The following NT5C3B variants were observed in gnomAD, a reference collection of about 807,000 sequenced individuals.
The protein encoded by NT5C3B is 7-methylguanosine phosphate-specific 5'-nucleotidase.
NT5C3B carries 28 observed loss-of-function variants against 32.5 expected under a neutral mutation model. The ratio of observed to expected loss-of-function variants is 0.86; its 90% confidence interval spans 0.64 to 1.18. The LOEUF (loss-of-function observed/expected upper bound fraction) is 1.18. Among genes scored for constraint, NT5C3B ranks in the 50% most tolerant of loss-of-function variants. NT5C3B has a pLI of 0.00. For synonymous variants in NT5C3B, 138 were observed against 118.0 expected (o/e 1.17, Z -1.10); for missense variants, 317 against 322.0 (o/e 0.98, Z 0.12).
At chr17:41,835,659 A>C in intron 2 of NT5C3B, 200 bp downstream of exon 2, 1 of 709,742 alleles carries the variant, frequency 1.4e-6, no homozygotes, top group African/African-American at 1.7e-5. Flanking sequence ...AATTAGAGGA[A>C]GCAGCATGAC....
intron 6 of NT5C3B, 44 bp downstream of exon 6, chr17:41,830,757 T>G: frequency 7.2e-7 from 1 of 1,388,108 alleles, no homozygotes; most frequent in East Asian, 2.3e-5. Flanking sequence ...AACAAAACAT[T>G]CTAAATAGTC....
intron 7 of NT5C3B, 47 bp from the exon 8 acceptor site, chr17:41,827,673 T>G (rs782031223): frequency 1.3e-6 from 1 of 795,608 alleles, no homozygotes; most frequent in Admixed American, 1.7e-5. Flanking sequence ...CAGGGACCCA[T>G]GTGGCACCAG....
intron 5 of NT5C3B, 146 bp downstream of exon 5, chr17:41,832,246 T>C (rs1027104964): frequency 5.1e-6 from 3 of 590,150 alleles, no homozygotes; most frequent in Non-Finnish European, 8.9e-6. Context: ...GAAAAGTTGG[T>C]TCCAATAGCT....
intron 8 of NT5C3B, among the ~76,000 whole-genome samples, chr17:41,826,552 C>A (rs2047967418): frequency 1.3e-5 from 2 of 151,980 alleles, no homozygotes; most frequent in African/African-American, 4.8e-5. Flanking sequence ...GAGATGGAGC[C>A]TCGCTCTGTC....
chr17:41,835,829 C>A (rs782053152), intron 2 of NT5C3B, 30 bp downstream of exon 2: 2 of 1,578,572 alleles, frequency 1.3e-6, no homozygotes, highest in South Asian at 1.2e-5. Context: ...CGCCCCCAGC[C>A]CGGCCGGCCC....
Position 41,835,284 on chromosome 17 carries a change from A to G in NT5C3B, c.112-12T>C, listed in dbSNP as rs1555619733. On this transcript the variant is annotated splice_polypyrimidine_tract_variant and intron_variant, in intron 2 of 8. Coordinates refer to ENST00000435506, the MANE Select transcript of NT5C3B (RefSeq NM_052935.5). ...AAATCAGAAATCACCTATAAGGCAA[A>G]AGAGAGATGATGCCTAAATAGGCAC... 1 of 1,611,784 alleles carries G rather than the reference A, an allele frequency of 6.2e-7. No homozygotes were observed. Among genetic ancestry groups the G allele is most frequent in the Non-Finnish European group, 8.5e-7 (1 of 1,178,064 alleles).
At chr17:41,834,341 T>G (rs2048105303) in intron 4 of NT5C3B, among the ~76,000 whole-genome samples, 1 of 150,548 alleles carries the variant, frequency 6.6e-6, no homozygotes, top group Non-Finnish European at 1.5e-5. Context: ...GAGCTGAGAT[T>G]ATGCCACTCC....
chr17:41,830,786 G>A lies in NT5C3B; in HGVS notation c.404+15C>T, dbSNP rs546352525. The A allele has an allele frequency of 6.4e-7, 1 of 1,551,546 alleles. No homozygotes were observed. The highest frequency in any genetic ancestry group is 2.2e-5 in the East Asian group (1 of 44,578). ...AATAGTCTGATAGAAATGTTTTCCA[G>A]AGCAAGACGCTTACCTGAGCATTGC... On this transcript the variant is annotated intron_variant, in intron 6 of 8. Coordinates refer to ENST00000435506, the MANE Select transcript of NT5C3B (RefSeq NM_052935.5).
In NT5C3B at chr17:41,830,865, A is replaced by G; in HGVS notation, c.340T>C (p.Cys114Arg). The stretch of plus-strand genomic sequence containing the variant: ...TGAAACTTCTGAATCTTCTGCTGAC[A>G]TAGGAGATTGTGTGCTTTGGTCCAC... ...EWWTKAHNLL[C>R]QQKIQKFQIA... Residue 114 changes from cysteine (C) to arginine (R), a missense_variant, in exon 6 of 9, where the codon TGT (cysteine) becomes CGT (arginine). Cys to Arg is a radical substitution (Grantham distance 180). Transcript: ENST00000435506. 3 of 1,609,818 alleles carry G rather than the reference A, an allele frequency of 1.9e-6. No homozygotes were observed. Among genetic ancestry groups the G allele is most frequent in the Non-Finnish European group, 2.5e-6 (3 of 1,177,784 alleles).
Position 41,828,788 on chromosome 17 carries a change from A to T in NT5C3B, c.567+2T>A. On this transcript the variant is annotated splice_donor_variant, in intron 7 of 8. Transcript: ENST00000435506. LOFTEE classifies it high-confidence loss of function. Reference sequence around the variant, plus strand: ...TCCCAGCCCAAACAGGATTTGGCTCACATCTTCATTAAAATCCATGTAGTT... The same window carrying T: ...TCCCAGCCCAAACAGGATTTGGCTCTCATCTTCATTAAAATCCATGTAGTT... The T allele has an allele frequency of 6.2e-7, 1 of 1,612,348 alleles. No individual in the cohort carries two copies. Among genetic ancestry groups the T allele is most frequent in the Non-Finnish European group, 8.5e-7 (1 of 1,178,816 alleles).
At chr17:41,826,173 A>C (rs2144083913) in intron 8 of NT5C3B, among the ~76,000 whole-genome samples, 1 of 151,500 alleles carries the variant, frequency 6.6e-6, no homozygotes, top group Non-Finnish European at 1.5e-5. Context: ...AAAAAAAAAA[A>C]AAAAAAACAG....
rs781881706 is a variant in NT5C3B at position 41,828,785 on chromosome 17, C to T, written c.567+5G>A. 2.5e-6 allele frequency: 4 copies of T among 1,611,866 alleles called. No individual in the cohort carries two copies. In the East Asian group the frequency reaches 6.7e-5, roughly 27 times the overall value. On this transcript the variant is annotated splice_donor_5th_base_variant and intron_variant, in intron 7 of 8. Transcript: ENST00000435506. ...CTTTCCCAGCCCAAACAGGATTTGG[C>T]TCACATCTTCATTAAAATCCATGTA...
intron 6 of NT5C3B, among the ~76,000 whole-genome samples, chr17:41,829,830 T>C (rs1198412782): frequency 2.6e-5 from 4 of 152,038 alleles, no homozygotes; most frequent in African/African-American, 9.7e-5. Flanking sequence ...TCCTCTGGGG[T>C]ACATACCTGG....
In NT5C3B at chr17:41,830,817, ACT is replaced by A. The variant is rs782274755; in HGVS notation, c.386_387del (p.Glu129ValfsTer10). ...GACGCTTACCTGAGCATTGCATTGG[ACT>A]CTCTAACCACCTGGGCTATCTGAAA... Reference protein sequence around the residue: ...QKFQIAQVVRESNAMLREGYK... With the variant: ...QKFQIAQVVRXSNAMLREGYK... On this transcript the variant is annotated frameshift_variant, in exon 6 of 9. Transcript: ENST00000435506. LOFTEE classifies it high-confidence loss of function. 2.5e-6 allele frequency: 4 copies of A among 1,606,644 alleles called. No individual in the cohort carries two copies. The African/African-American group carries it at 4.0e-5, about 16-fold the overall frequency.
In NT5C3B at chr17:41,828,873, T is replaced by C. The variant is rs781912993; in HGVS notation, c.484A>G (p.Ile162Val). ...LFIFSAGIGD[I>V]LEEIIRQMKV... ...ATCTGTCGGATAATTTCTTCCAGGA[T>C]ATCACCAATGCCCGCAGAAAAGATG... is the stretch of plus-strand genomic sequence containing the variant. The change falls in exon 7 of 9, where the codon ATC (isoleucine) becomes GTC (valine). Residue 162 changes from isoleucine (I) to valine (V), a missense_variant. Ile to Val is a conservative substitution (Grantham distance 29). Coordinates refer to ENST00000435506, the MANE Select transcript of NT5C3B (RefSeq NM_052935.5). 2.2e-5 allele frequency: 36 copies of C among 1,613,894 alleles called. No individual in the cohort carries two copies. In the Middle Eastern group the frequency reaches 9.9e-4, roughly 44 times the overall value.
intron 5 of NT5C3B, 54 bp downstream of exon 5, chr17:41,832,338 C>G: frequency 6.7e-7 from 1 of 1,499,198 alleles, no homozygotes; most frequent in East Asian, 2.3e-5. Flanking sequence ...TATGCCCCTC[C>G]CAGCCTACTC....
In NT5C3B at chr17:41,825,548, AC is replaced by A. The variant is rs782176080; in HGVS notation, c.877del (p.Val293SerfsTer21). 1.1e-6 allele frequency: 1 copy of A among 872,710 alleles called. No individual in the cohort carries two copies. Among genetic ancestry groups the A allele is most frequent in the Non-Finnish European group, 2.0e-6 (1 of 501,648 alleles). The allele number at this position is 872,710 out of a possible 1,614,324, so 54.1% of individuals were successfully genotyped here. ...GLLQHILCQG[V>X]QLEMQGP is the part of the protein sequence containing the mutation. ...TCAGGGGCCTTGCATCTCCAGCTGG[AC>A]CCCCTGGCACAGGATGTGCTGCAGT... On this transcript the variant is annotated frameshift_variant, in exon 9 of 9. Coordinates refer to ENST00000435506, the MANE Select transcript of NT5C3B (RefSeq NM_052935.5). LOFTEE classifies it high-confidence loss of function.
At chr17:41,828,757 G>C in intron 7 of NT5C3B, 33 bp downstream of exon 7, 1 of 1,595,732 alleles carries the variant, frequency 6.3e-7, no homozygotes, top group Non-Finnish European at 8.6e-7. Context: ...CCCACCCCTC[G>C]TCCTTTCCCA....
chr17:41,827,273 T>G (rs1352483452), intron 8 of NT5C3B, among the ~76,000 whole-genome samples, 153 bp downstream of exon 8: 1 of 151,396 alleles, frequency 6.6e-6, no homozygotes, highest in African/African-American at 2.4e-5. Context: ...CACTCCAGCC[T>G]GGGCGACAGA....
Sources: gnomAD v4.1 joint callset for allele counts (sites outside exome capture counted in the v4.1 genomes callset) on GRCh38, gnomAD v4.1.1 for gene constraint, MANE v1.5 for transcripts, NCBI Gene and HGNC (gene_info 2026-07-23, HGNC 2026-07-21) for gene names.